The following TTBK2 variants were observed in gnomAD, a reference collection of about 807,000 sequenced individuals.
TTBK2 encodes tau-tubulin kinase 2.
TTBK2 carries 28 observed loss-of-function variants against 110.8 expected under a neutral mutation model. The observed-to-expected ratio is 0.25, with a 90% CI of 0.19 to 0.35. TTBK2 has a LOEUF of 0.35. TTBK2 is among the 10% of genes least tolerant of loss of function. The probability of loss-of-function intolerance (pLI) is 1.00; values close to 1 mark genes in which losing one functional copy is unlikely to be tolerated. For synonymous variants in TTBK2, 532 were observed against 527.3 expected, an observed-to-expected ratio of 1.01 and a Z score of -0.12; for missense variants, 1,369 against 1,500.3, an observed-to-expected ratio of 0.91 and a Z score of 1.45.
At chr15:42,850,254 G>A (rs1327222145) in intron 3 of TTBK2, among the ~76,000 whole-genome samples, 2 of 152,198 alleles carry the variant, frequency 1.3e-5, no homozygotes, top group Non-Finnish European at 2.9e-5. Context: ...GGCATTAGGA[G>A]ACCCCTTTCC....
At chr15:42,788,262 T>G (rs543543449) in intron 10 of TTBK2, among the ~76,000 whole-genome samples, 1 of 152,274 alleles carries the variant, frequency 6.6e-6, no homozygotes, top group Admixed American at 6.5e-5. Context: ...TCAGATAATG[T>G]AATACTTCTA....
intron 1 of TTBK2, among the ~76,000 whole-genome samples, chr15:42,897,823 TACACACACACAC>T (rs60880098): frequency 2.1e-5 from 3 of 140,660 alleles, no homozygotes; most frequent in South Asian, 2.4e-4. Flanking sequence ...CCAGTAGTGG[TACACACACACAC>T]ACACACACAC....
chr15:42,832,322 T>C (rs1391946031), intron 4 of TTBK2, among the ~76,000 whole-genome samples: 1 of 152,198 alleles, frequency 6.6e-6, no homozygotes. Flanking sequence ...AGGAAATCAA[T>C]TAAATTTTAT....
Position 42,752,241 on chromosome 15 carries a change from A to G in TTBK2, c.3005T>C (p.Leu1002Ser). ...LGDLSSASDK[L>S]LEEKLATVPA... is the part of the protein sequence containing the mutation. ...AACAGTAGCTAGTTTCTCCTCTAGC[A>G]ATTTATCAGAGGCACTTGAGAGGTC... The change falls in exon 14 of 15, where the codon TTG (leucine) becomes TCG (serine). Residue 1002 changes from leucine (L) to serine (S), a missense_variant. Physicochemically the swap from Leu to Ser is moderately radical, Grantham distance 145. Transcript: ENST00000267890. The G allele has an allele frequency of 1.2e-6, 2 of 1,614,044 alleles. No homozygotes were observed. Among genetic ancestry groups the G allele is most frequent in the South Asian group, 1.1e-5 (1 of 91,062 alleles).
chr15:42,801,706 C>A (rs1288084429), intron 9 of TTBK2: 1 of 884,082 alleles, frequency 1.1e-6, no homozygotes, highest in Non-Finnish European at 1.9e-6. Flanking sequence ...AGATCTGGGA[C>A]TGCAGCTCCC....
intron 1 of TTBK2, among the ~76,000 whole-genome samples, chr15:42,891,172 C>G (rs997194811): frequency 1.6e-5 from 2 of 125,746 alleles, no homozygotes; most frequent in African/African-American, 6.1e-5. Flanking sequence ...CCATGCCCGA[C>G]TTTTTTTTTT....
chr15:42,912,421 C>A (rs1290218905), intron 1 of TTBK2, among the ~76,000 whole-genome samples: 1 of 152,212 alleles, frequency 6.6e-6, no homozygotes, highest in Non-Finnish European at 1.5e-5. Flanking sequence ...AGATTCTACT[C>A]TTTGGCCAGG....
At chr15:42,877,720 G>A (rs1894867464) in intron 2 of TTBK2, among the ~76,000 whole-genome samples, 1 of 152,054 alleles carries the variant, frequency 6.6e-6, no homozygotes, top group South Asian at 2.1e-4. Flanking sequence ...AATACTACAT[G>A]CTAACAGACA....
intron 11 of TTBK2, 105 bp downstream of exon 11, chr15:42,783,314 A>G (rs1890255910): frequency 8.9e-7 from 1 of 1,124,490 alleles, no homozygotes; most frequent in Non-Finnish European, 1.3e-6. Context: ...AGGAGCCACA[A>G]AACAGCCCTC....
chr15:42,840,569 A>G (rs767084783), intron 3 of TTBK2, 136 bp from the exon 4 acceptor site: 1 of 840,184 alleles, frequency 1.2e-6, no homozygotes, highest in South Asian at 1.4e-5. Flanking sequence ...GAAAACTTAT[A>G]TTATTCAAAT....
intron 10 of TTBK2, among the ~76,000 whole-genome samples, chr15:42,788,489 T>C (rs1890505869): frequency 6.6e-6 from 1 of 152,180 alleles, no homozygotes; most frequent in South Asian, 2.1e-4. Flanking sequence ...GGGTGGTACA[T>C]TAACATCTCC....
At chr15:42,846,266 T>C (rs945074372) in intron 3 of TTBK2, among the ~76,000 whole-genome samples, 2 of 151,864 alleles carry the variant, frequency 1.3e-5, no homozygotes, top group East Asian at 3.8e-4. Flanking sequence ...CTCATCTCAC[T>C]GTAACCTCTG....
At chr15:42,856,622 T>C (rs894715792) in intron 3 of TTBK2, among the ~76,000 whole-genome samples, 3 of 152,110 alleles carry the variant, frequency 2.0e-5, no homozygotes, top group African/African-American at 7.2e-5. Flanking sequence ...AAGAAAAGAA[T>C]CACTTTGGGA....
At chr15:42,819,258 AGAGATCGACACCATCCT>A (rs1160443521) in intron 6 of TTBK2, among the ~76,000 whole-genome samples, 1 of 151,682 alleles carries the variant, frequency 6.6e-6, no homozygotes, top group African/African-American at 2.4e-5. Flanking sequence ...CACAAGGTCA[AGAGATCGACACCATCCT>A]GACCAACATG....
intron 9 of TTBK2, chr15:42,801,712 C>T (rs1215335189): frequency 3.5e-6 from 3 of 867,778 alleles, no homozygotes; most frequent in Non-Finnish European, 6.0e-6. Flanking sequence ...GGGACTGCAG[C>T]TCCCGATCTC....
intron 1 of TTBK2, among the ~76,000 whole-genome samples, chr15:42,906,151 G>C (rs1037767036): frequency 6.6e-6 from 1 of 151,800 alleles, no homozygotes; most frequent in Non-Finnish European, 1.5e-5. Flanking sequence ...TCACACCATT[G>C]CACTTCAGCC....
chr15:42,847,491 C>T (rs1031483610), intron 3 of TTBK2, among the ~76,000 whole-genome samples: 1 of 152,186 alleles, frequency 6.6e-6, no homozygotes, highest in African/African-American at 2.4e-5. Context: ...TGACAAGCTT[C>T]TTGCCTAAAC....
At chr15:42,859,324 T>A (rs941964655) in intron 3 of TTBK2, among the ~76,000 whole-genome samples, 1 of 152,102 alleles carries the variant, frequency 6.6e-6, no homozygotes, top group African/African-American at 2.4e-5. Context: ...CCCAGGCTGA[T>A]CTCAATCTCC....
chr15:42,801,689 G>A (rs898978708), intron 9 of TTBK2: 2 of 891,758 alleles, frequency 2.2e-6, no homozygotes, highest in East Asian at 2.4e-5. Context: ...CACCACAGAT[G>A]TATCCGAGAT....
Sources: allele counts gnomAD v4.1 joint callset (sites outside exome capture counted in the v4.1 genomes callset), GRCh38; gene constraint gnomAD v4.1.1; transcripts MANE v1.5; gene names NCBI Gene and HGNC (gene_info 2026-07-23, HGNC 2026-07-21).